Variants in DNAH9 observed in about 807,000 individuals in gnomAD.
The protein encoded by DNAH9 is dynein axonemal heavy chain 9, also known as DNAH9 variant protein.
DNAH9 carries 345 observed loss-of-function variants against 471.6 expected under a neutral mutation model. That is an observed-to-expected ratio of 0.73 (90% CI 0.67 to 0.80). DNAH9 has a LOEUF of 0.80. Among genes scored for constraint, DNAH9 ranks in the 30% least tolerant of loss-of-function variants. DNAH9 has a pLI of 0.00. For missense variants in DNAH9, 5,407 were observed against 5,609.2 expected (o/e 0.96, Z 1.15); for synonymous variants, 2,093 against 2,123.6 (o/e 0.99, Z 0.40).
At chr17:11,858,366 A>G (rs534849023) in intron 50 of DNAH9, among the ~76,000 whole-genome samples, 37 of 152,318 alleles carry the variant, frequency 2.4e-4, no homozygotes, top group African/African-American at 8.7e-4. Flanking sequence ...CACGCAGTCT[A>G]TTTGCAGATG....
intron 14 of DNAH9, among the ~76,000 whole-genome samples, chr17:11,659,892 C>T (rs73975042): frequency 0.013 from 2,022 of 152,310 alleles, 41 homozygotes; most frequent in African/African-American, 0.046. Context: ...GTAGCCCCCA[C>T]GACCTGGTGT....
chr17:11,855,129 C>T (rs947771661), intron 50 of DNAH9, among the ~76,000 whole-genome samples: 7 of 151,946 alleles, frequency 4.6e-5, no homozygotes, highest in South Asian at 2.1e-4. Context: ...CTTGAACTCC[C>T]GGGCTCAAGT....
At chr17:11,824,851 C>T (rs576457946) in intron 48 of DNAH9, among the ~76,000 whole-genome samples, 3 of 152,068 alleles carry the variant, frequency 2.0e-5, no homozygotes, top group South Asian at 2.1e-4. Context: ...GGTAATGGAT[C>T]GTTTTCAGTA....
rs768991423 is a variant in DNAH9, at chr17:11,888,956, TTGTG to T, written c.11112+1999_11112+2002del. ...TGAGCAGGAATATATTAAAATGTGT[TTGTG>T]TGTGTGTTTACACATGCAAAAACTC... is the stretch of plus-strand genomic sequence containing the variant. On this transcript the variant is annotated intron_variant, in intron 57 of 68. Transcript: ENST00000262442. Among the ~76,000 whole-genome samples the T allele has an allele frequency of 3.8e-4, 58 of 152,352 alleles. 1 individual carries two copies. In the South Asian group the frequency reaches 0.012, roughly 32 times the overall value.
intron 49 of DNAH9, among the ~76,000 whole-genome samples, chr17:11,844,210 A>C (rs748697658): frequency 1.3e-5 from 2 of 152,096 alleles, no homozygotes; most frequent in Non-Finnish European, 2.9e-5. Context: ...AGGACTGTTA[A>C]ATGTGACTTC....
chr17:11,963,721 T>C (rs1003801579), intron 68 of DNAH9, among the ~76,000 whole-genome samples: 1 of 152,242 alleles, frequency 6.6e-6, no homozygotes, highest in East Asian at 1.9e-4. Context: ...AGACATGTTT[T>C]ATAATGCTTA....
rs949364236 is a variant in DNAH9 at position 11,893,104 on chromosome 17, G to A, written c.11283+1157G>A. On this transcript the variant is annotated intron_variant, in intron 58 of 68. Coordinates refer to ENST00000262442, the MANE Select transcript of DNAH9 (RefSeq NM_001372.4). ...TTTCAGGGCCTGCCTGAGTTCATGG[G>A]TGAGTGTTGCTTTGCCTCACCCCTC... Among the ~76,000 whole-genome samples the A allele has an allele frequency of 3.4e-5, 5 of 145,318 alleles. No individual in the cohort carries two copies. In the South Asian group the frequency reaches 1.1e-3, roughly 32 times the overall value.
chr17:11,818,493 A>T (rs11868210), intron 45 of DNAH9, among the ~76,000 whole-genome samples: 1 of 152,034 alleles, frequency 6.6e-6, no homozygotes, highest in Non-Finnish European at 1.5e-5. Flanking sequence ...TTCTTTCATC[A>T]CTAACATTCC....
At chr17:11,692,050 C>A (rs2074342118) in intron 20 of DNAH9, among the ~76,000 whole-genome samples, 1 of 46,648 alleles carries the variant, frequency 2.1e-5, no homozygotes, top group South Asian at 9.5e-4. Flanking sequence ...GATCTGCCCG[C>A]CTCAGCCTCC....
chr17:11,607,261 C>G (rs916770793), intron 1 of DNAH9, among the ~76,000 whole-genome samples: 1 of 152,152 alleles, frequency 6.6e-6, no homozygotes, highest in African/African-American at 2.4e-5. Flanking sequence ...GGTAAACATA[C>G]AACACCCAAC....
intron 29 of DNAH9, among the ~76,000 whole-genome samples, chr17:11,740,227 A>G (rs1359399394): frequency 1.3e-5 from 2 of 152,364 alleles, no homozygotes; most frequent in South Asian, 2.1e-4. Context: ...GTGATCACCC[A>G]GATAAGAATT....
chr17:11,748,411 T>A (rs926766791), intron 32 of DNAH9, among the ~76,000 whole-genome samples: 1 of 152,162 alleles, frequency 6.6e-6, no homozygotes, highest in African/African-American at 2.4e-5. Flanking sequence ...AGAGTGTTAA[T>A]GCTGCCTGGC....
Position 11,923,883 on chromosome 17 carries a change from T to C in DNAH9, c.11819T>C (p.Val3940Ala), listed in dbSNP as rs747601362. 2 of 1,614,112 alleles carry C rather than the reference T, an allele frequency of 1.2e-6. No homozygotes were observed. Among genetic ancestry groups the C allele is most frequent in the Non-Finnish European group, 1.7e-6 (2 of 1,180,004 alleles). ...GTGTCTTTGGGGCAAGGACAGGAAG[T>C]GGTGGCTGAGGCTGCGCTGGACCTC... is the stretch of plus-strand genomic sequence containing the variant. ...HNVSLGQGQE[V>A]VAEAALDLAA... The change falls in exon 62 of 69, where the codon GTG becomes GCG. Residue 3940 changes from valine to alanine, a missense_variant. By Grantham distance (64) the Val-to-Ala change is moderately conservative (BLOSUM62 0). Coordinates refer to ENST00000262442, the MANE Select transcript of DNAH9 (RefSeq NM_001372.4).
intron 43 of DNAH9, among the ~76,000 whole-genome samples, chr17:11,806,178 A>G (rs12601236): frequency 0.63 from 95,663 of 151,988 alleles, 30,197 homozygotes; most frequent in Non-Finnish European, 0.65. Flanking sequence ...CAACTAACAC[A>G]TCCAGTATAT....
intron 49 of DNAH9, among the ~76,000 whole-genome samples, chr17:11,839,240 G>A (rs1428886551): frequency 6.6e-6 from 1 of 152,210 alleles, no homozygotes; most frequent in Non-Finnish European, 1.5e-5. Context: ...TCAAGGGCTG[G>A]GCACGGTGGC....
intron 4 of DNAH9, chr17:11,612,094 A>G: frequency 1.7e-6 from 1 of 583,330 alleles, no homozygotes; most frequent in Non-Finnish European, 3.0e-6. Flanking sequence ...TACAGGTGGA[A>G]GAACTTATTG....
chr17:11,732,910 T>G (rs2075291249), intron 28 of DNAH9, among the ~76,000 whole-genome samples: 1 of 152,042 alleles, frequency 6.6e-6, no homozygotes, highest in South Asian at 2.1e-4. Flanking sequence ...AGAAGATCAG[T>G]CAGCAAAGAC....
chr17:11,802,251 A>G (rs1969490601), intron 43 of DNAH9, among the ~76,000 whole-genome samples: 1 of 152,132 alleles, frequency 6.6e-6, no homozygotes. Context: ...AGAAACACAG[A>G]TAACCTAAGA....
chr17:11,738,951 G>A lies in DNAH9; in HGVS notation c.5886G>A (p.Leu1962=). ...WFSFLGEEIS[L]NPSVGIFITM... ...GCTTCCTTGGGGAGGAGATCAGCCT[G>A]AATCCTTCTGTCGGTATCTTCATCA... Residue 1962 remains leucine, a synonymous_variant, in exon 29 of 69, where the codon CTG becomes CTA. Coordinates refer to ENST00000262442, the MANE Select transcript of DNAH9 (RefSeq NM_001372.4). The A allele has an allele frequency of 6.2e-7, 1 of 1,614,110 alleles. No homozygotes were observed. Among genetic ancestry groups the A allele is most frequent in the South Asian group, 1.1e-5 (1 of 91,084 alleles).
Sources: allele counts gnomAD v4.1 joint callset (sites outside exome capture counted in the v4.1 genomes callset), GRCh38; gene constraint gnomAD v4.1.1; transcripts MANE v1.5; gene names NCBI Gene and HGNC (gene_info 2026-07-23, HGNC 2026-07-21).